The following MOB3B variants were observed in gnomAD, a reference collection of about 807,000 sequenced individuals.
MOB3B encodes MOB kinase activator 3B.
Under a neutral mutation model 18.7 loss-of-function variants are expected in MOB3B, and 7 were observed. The ratio of observed to expected loss-of-function variants is 0.37; its 90% CI spans 0.21 to 0.70. The LOEUF (loss-of-function observed/expected upper bound fraction) is 0.70. Ranked by LOEUF, MOB3B falls within the 30% of genes least tolerant of loss-of-function variation. The probability of loss-of-function intolerance (pLI) is 0.52; values close to 1 mark genes in which losing one functional copy is unlikely to be tolerated. For missense variants in MOB3B, 253 were observed against 281.3 expected (o/e 0.90, Z 0.72); for synonymous variants, 111 against 99.9 (o/e 1.11, Z -0.66).
chr9:27,446,483 G>T (rs1345725118), intron 2 of MOB3B, among the ~76,000 whole-genome samples: 1 of 152,180 alleles, frequency 6.6e-6, no homozygotes, highest in East Asian at 1.9e-4. Flanking sequence ...CTCATCCCAT[G>T]AATGTCTACC....
chr9:27,507,419 G>A (rs776481003), intron 1 of MOB3B, among the ~76,000 whole-genome samples: 8 of 152,034 alleles, frequency 5.3e-5, no homozygotes, highest in Admixed American at 1.3e-4. Context: ...CATCTCTTAC[G>A]GTACTTTGCA....
chr9:27,346,199 G>A (rs1051061440), intron 3 of MOB3B, among the ~76,000 whole-genome samples: 3 of 152,114 alleles, frequency 2.0e-5, no homozygotes, highest in Admixed American at 1.3e-4. Context: ...AACCCTTATT[G>A]GATACCAAAC....
chr9:27,418,902 C>A (rs1035710719), intron 2 of MOB3B, among the ~76,000 whole-genome samples: 1 of 151,210 alleles, frequency 6.6e-6, no homozygotes, highest in Non-Finnish European at 1.5e-5. Flanking sequence ...CTTGAAAACC[C>A]TAAGGACTCC....
Position 27,527,430 on chromosome 9 carries a change from G to C in MOB3B, c.-199+2125C>G, listed in dbSNP as rs563815025. On this transcript the variant is annotated intron_variant, in intron 1 of 3. Coordinates refer to ENST00000262244, the MANE Select transcript of MOB3B (RefSeq NM_024761.5). ...GAGATATAATACCCAGAAATCACTAGAGAAAGTGCTCTATGTGTCGCATTC... is the reference window on the plus strand; with the variant it reads ...GAGATATAATACCCAGAAATCACTACAGAAAGTGCTCTATGTGTCGCATTC... 1.8e-4 allele frequency among the ~76,000 whole-genome samples: 27 copies of C among 152,308 alleles called. No individual in the cohort carries two copies. The East Asian group carries it at 4.6e-3, about 26-fold the overall frequency.
At chr9:27,357,433 A>C (rs568220819) in intron 3 of MOB3B, among the ~76,000 whole-genome samples, 19 of 151,680 alleles carry the variant, frequency 1.3e-4, no homozygotes, top group Non-Finnish European at 2.2e-4. Context: ...CAGAGCCTGC[A>C]CCCCAAATAC....
intron 2 of MOB3B, among the ~76,000 whole-genome samples, chr9:27,396,205 G>A (rs1563858299): frequency 6.6e-6 from 1 of 152,088 alleles, no homozygotes; most frequent in Non-Finnish European, 1.5e-5. Flanking sequence ...TCAAACAGAT[G>A]TATCACTGAC....
intron 1 of MOB3B, among the ~76,000 whole-genome samples, chr9:27,489,337 A>C (rs1460219231): frequency 6.6e-6 from 1 of 152,186 alleles, no homozygotes; most frequent in Non-Finnish European, 1.5e-5. Flanking sequence ...GTCTCTGCAA[A>C]GGCTTCTGTC....
Position 27,359,205 on chromosome 9 carries a change from G to C in MOB3B, c.450C>G (p.Ile150Met), listed in dbSNP as rs1277273918. ...AAAGGCGGCACAGGATCTTCTTGCA[G>C]ATCTGAAGGAAGTTCTTTGGGAAGG... ...GVPFPKNFLQ[I>M]CKKILCRLFR... is the part of the protein sequence containing the mutation. Residue 150 changes from isoleucine to methionine, a missense_variant, in exon 3 of 4, where the codon ATC becomes ATG. Transcript: ENST00000262244. 1 of 1,614,174 alleles carries C rather than the reference G, an allele frequency of 6.2e-7. No homozygotes were observed. The highest frequency in any genetic ancestry group is 1.1e-5 in the South Asian group (1 of 91,074).
chr9:27,377,322 G>A (rs905173690), intron 2 of MOB3B, among the ~76,000 whole-genome samples: 1 of 152,182 alleles, frequency 6.6e-6, no homozygotes, highest in Non-Finnish European at 1.5e-5. Context: ...TACACCTGCT[G>A]TGACACAAAT....
intron 1 of MOB3B, among the ~76,000 whole-genome samples, chr9:27,464,037 G>A (rs4878466): frequency 0.87 from 132,643 of 152,272 alleles, 58,245 homozygotes; most frequent in Non-Finnish European, 0.93. Flanking sequence ...GTGAAAATTA[G>A]AAGAGATATT....
chr9:27,372,536 A>G (rs1821438213), intron 2 of MOB3B, among the ~76,000 whole-genome samples: 1 of 152,194 alleles, frequency 6.6e-6, no homozygotes, highest in Admixed American at 6.5e-5. Context: ...CATGACCTTG[A>G]CCAAGTGATC....
chr9:27,388,973 T>C (rs534132046), intron 2 of MOB3B, among the ~76,000 whole-genome samples: 1 of 152,286 alleles, frequency 6.6e-6, no homozygotes, highest in East Asian at 1.9e-4. Flanking sequence ...AGCCTCCCCA[T>C]TTTTAGTCTT....
intron 2 of MOB3B, among the ~76,000 whole-genome samples, chr9:27,426,476 G>A (rs1035380076): frequency 6.6e-6 from 1 of 152,158 alleles, no homozygotes; most frequent in Non-Finnish European, 1.5e-5. Flanking sequence ...TGCACACAGA[G>A]GTCCAGGCAG....
chr9:27,498,954 A>C (rs1423988579), intron 1 of MOB3B, among the ~76,000 whole-genome samples: 1 of 152,238 alleles, frequency 6.6e-6, no homozygotes, highest in African/African-American at 2.4e-5. Flanking sequence ...TTCAGGAAGA[A>C]GAGGATCTTA....
intron 1 of MOB3B, among the ~76,000 whole-genome samples, chr9:27,472,080 T>G (rs1819480942): frequency 6.6e-6 from 1 of 152,220 alleles, no homozygotes; most frequent in African/African-American, 2.4e-5. Flanking sequence ...GAGAAAAATC[T>G]TCTCATAGTT....
At chr9:27,435,609 T>C (rs562112339) in intron 2 of MOB3B, among the ~76,000 whole-genome samples, 1 of 152,232 alleles carries the variant, frequency 6.6e-6, no homozygotes, top group Admixed American at 6.5e-5. Flanking sequence ...GTTTATTTAT[T>C]TATTTTTGAG....
chr9:27,428,590 T>C (rs1822371911), intron 2 of MOB3B, among the ~76,000 whole-genome samples: 1 of 152,204 alleles, frequency 6.6e-6, no homozygotes, highest in East Asian at 1.9e-4. Context: ...TTCATTGCGG[T>C]CCAAAGCCTA....
intron 1 of MOB3B, among the ~76,000 whole-genome samples, 168 bp downstream of exon 1, chr9:27,529,387 C>T (rs1272252481): frequency 6.6e-6 from 1 of 152,210 alleles, no homozygotes; most frequent in African/African-American, 2.4e-5. Context: ...GGACTCCAGC[C>T]CCGGAAGCCC....
intron 3 of MOB3B, among the ~76,000 whole-genome samples, chr9:27,355,209 C>T (rs1163580692): frequency 1.3e-5 from 2 of 152,092 alleles, no homozygotes; most frequent in Admixed American, 6.5e-5. Flanking sequence ...GAGACAAAAG[C>T]AACAAAGAGA....
Sources: allele counts gnomAD v4.1 joint callset (sites outside exome capture counted in the v4.1 genomes callset), GRCh38; gene constraint gnomAD v4.1.1; transcripts MANE v1.5; gene names NCBI Gene and HGNC (gene_info 2026-07-23, HGNC 2026-07-21).